SLC22A3: variants seen among roughly 807,000 people sequenced by gnomAD.
SLC22A3 encodes the protein EMT organic cation transporter 3.
Under a neutral mutation model 59.1 loss-of-function variants are expected in SLC22A3, and 51 were observed. That is an observed-to-expected ratio of 0.86 (90% CI 0.69 to 1.09). SLC22A3 has a LOEUF of 1.09. Ranked by LOEUF, SLC22A3 falls within the 50% of genes least tolerant of loss-of-function variation. SLC22A3 has a pLI of 0.00. For synonymous variants in SLC22A3, 325 were observed against 292.0 expected, an observed-to-expected ratio of 1.11 and a Z score of -1.15; for missense variants, 711 against 726.3, an observed-to-expected ratio of 0.98 and a Z score of 0.24.
chr6:160,397,337 CT>C (rs1786518557), intron 1 of SLC22A3, among the ~76,000 whole-genome samples: 2 of 152,012 alleles, frequency 1.3e-5, no homozygotes, highest in African/African-American at 4.8e-5. Flanking sequence ...TCGTGGCCCA[CT>C]ACTGCTCACC....
chr6:160,442,389 G>A (rs1193464773), intron 7 of SLC22A3, among the ~76,000 whole-genome samples: 4 of 152,180 alleles, frequency 2.6e-5, no homozygotes, highest in Non-Finnish European at 5.9e-5. Context: ...CTGTGGGAAC[G>A]TGGTGGCTCA....
At chr6:160,369,271 T>C (rs941195603) in intron 1 of SLC22A3, among the ~76,000 whole-genome samples, 3 of 152,216 alleles carry the variant, frequency 2.0e-5, no homozygotes, top group Non-Finnish European at 4.4e-5. Context: ...CAGGCCAAAA[T>C]CCATAGTTAT....
At chr6:160,369,328 T>G (rs1285238010) in intron 1 of SLC22A3, among the ~76,000 whole-genome samples, 4 of 152,200 alleles carry the variant, frequency 2.6e-5, no homozygotes, top group Non-Finnish European at 5.9e-5. Flanking sequence ...CATGCTAACA[T>G]TTTCCAGACT....
chr6:160,381,512 T>G (rs1388306761), intron 1 of SLC22A3, among the ~76,000 whole-genome samples: 1 of 152,226 alleles, frequency 6.6e-6, no homozygotes, highest in East Asian at 1.9e-4. Context: ...AGGGAAAGTA[T>G]ATGAATATAT....
At chr6:160,438,597 TACACACACACAC>T (rs10618183) in intron 7 of SLC22A3, among the ~76,000 whole-genome samples, 2 of 149,764 alleles carry the variant, frequency 1.3e-5, no homozygotes, top group Non-Finnish European at 1.5e-5. Flanking sequence ...CACACACACA[TACACACACACAC>T]ACACACACAC....
intron 2 of SLC22A3, among the ~76,000 whole-genome samples, chr6:160,398,710 G>A (rs1786628932): frequency 6.6e-6 from 1 of 152,072 alleles, no homozygotes; most frequent in African/African-American, 2.4e-5. Flanking sequence ...GCTAGCTATT[G>A]TATTCATGTT....
At chr6:160,423,853 T>C (rs1787849061) in intron 5 of SLC22A3, among the ~76,000 whole-genome samples, 1 of 152,242 alleles carries the variant, frequency 6.6e-6, no homozygotes, top group Non-Finnish European at 1.5e-5. Flanking sequence ...ATTTTGGCTT[T>C]TGTTGCCATT....
intron 9 of SLC22A3, among the ~76,000 whole-genome samples, chr6:160,444,708 CT>C (rs1474535543): frequency 3.3e-5 from 5 of 152,228 alleles, no homozygotes; most frequent in Admixed American, 6.5e-5. Flanking sequence ...GGGTTGGCCC[CT>C]TTCTCACGCA....
In SLC22A3 at chr6:160,409,518, C is replaced by G. The variant is rs544366796; in HGVS notation, c.857+597C>G. ...TGTCTTTATAGCAGCATGATTTATA[C>G]TCATTTGGGTATATACCCAGTAATG... On this transcript the variant is annotated intron_variant, in intron 4 of 10. Coordinates refer to ENST00000275300, the MANE Select transcript of SLC22A3 (RefSeq NM_021977.4). Among the ~76,000 whole-genome samples the G allele has an allele frequency of 5.2e-3, 762 of 147,176 alleles. 4 individuals carry two copies. Among genetic ancestry groups the G allele is most frequent in the Non-Finnish European group, 9.1e-3 (613 of 67,066 alleles).
At position 160,403,676 on chromosome 6, in the gene SLC22A3, T is replaced by C. The variant is rs554709183; in HGVS notation, c.534-3365T>C. Among the ~76,000 whole-genome samples the C allele has an allele frequency of 1.3e-3, 195 of 151,552 alleles. 1 individual carries two copies. The highest frequency in any genetic ancestry group is 4.5e-3 in the African/African-American group (187 of 41,384). ...TTTGCAAGTAGAATCCAATAGTGTA[T>C]AAAAAAAATTATACACCACAACCAA... On this transcript the variant is annotated intron_variant, in intron 2 of 10. Transcript: ENST00000275300.
At chr6:160,406,612 G>C (rs1203504232) in intron 2 of SLC22A3, among the ~76,000 whole-genome samples, 1 of 152,214 alleles carries the variant, frequency 6.6e-6, no homozygotes, top group Non-Finnish European at 1.5e-5. Flanking sequence ...CCTTCGTTTT[G>C]AAGACCTTAG....
chr6:160,355,880 C>A (rs1262285240), intron 1 of SLC22A3, among the ~76,000 whole-genome samples: 1 of 152,214 alleles, frequency 6.6e-6, no homozygotes, highest in African/African-American at 2.4e-5. Flanking sequence ...CCCACTGCTG[C>A]CTCTACCCAG....
intron 1 of SLC22A3, among the ~76,000 whole-genome samples, chr6:160,381,867 T>C (rs1016417702): frequency 6.6e-6 from 1 of 152,204 alleles, no homozygotes; most frequent in Non-Finnish European, 1.5e-5. Flanking sequence ...ACACTTCATT[T>C]AGTTATATTT....
intron 5 of SLC22A3, among the ~76,000 whole-genome samples, chr6:160,413,714 G>A (rs1040330278): frequency 1.3e-5 from 2 of 152,206 alleles, no homozygotes; most frequent in Non-Finnish European, 2.9e-5. Context: ...GATCCCTCTT[G>A]TGGGAGCAAA....
At chr6:160,375,878 T>C (rs1785570616) in intron 1 of SLC22A3, among the ~76,000 whole-genome samples, 1 of 152,152 alleles carries the variant, frequency 6.6e-6, no homozygotes, top group African/African-American at 2.4e-5. Flanking sequence ...GAGTTTAGGC[T>C]TCCACCTGCT....
At chr6:160,352,414 C>T (rs1784691940) in intron 1 of SLC22A3, among the ~76,000 whole-genome samples, 1 of 152,114 alleles carries the variant, frequency 6.6e-6, no homozygotes, top group Non-Finnish European at 1.5e-5. Context: ...CGCAGAGAAG[C>T]GAGTCTGACC....
At chr6:160,386,686 C>G (rs1786030431) in intron 1 of SLC22A3, among the ~76,000 whole-genome samples, 1 of 152,210 alleles carries the variant, frequency 6.6e-6, no homozygotes, top group African/African-American at 2.4e-5. Flanking sequence ...CCACCAGCAG[C>G]ACAGACATCT....
chr6:160,430,232 T>C (rs1278930704), intron 5 of SLC22A3, among the ~76,000 whole-genome samples: 1 of 151,752 alleles, frequency 6.6e-6, no homozygotes, highest in Non-Finnish European at 1.5e-5. Flanking sequence ...TAAAATAATA[T>C]ATTTGAATAT....
intron 5 of SLC22A3, among the ~76,000 whole-genome samples, chr6:160,433,927 T>C (rs896283669): frequency 6.6e-6 from 1 of 152,196 alleles, no homozygotes; most frequent in South Asian, 2.1e-4. Context: ...AATAAATTGC[T>C]GTGAATATTT....
Sources: gnomAD v4.1 joint callset for allele counts (sites outside exome capture counted in the v4.1 genomes callset) on GRCh38, gnomAD v4.1.1 for gene constraint, MANE v1.5 for transcripts, NCBI Gene and HGNC (gene_info 2026-07-23, HGNC 2026-07-21) for gene names.